The following EXOC6B variants were observed in gnomAD, a reference collection of about 807,000 sequenced individuals.
The protein encoded by EXOC6B is exocyst complex component 6B.
A neutral mutation model predicts 113.5 loss-of-function variants in EXOC6B; 54 were observed. The observed-to-expected ratio is 0.48, with a 90% CI of 0.38 to 0.60. EXOC6B has a LOEUF of 0.60. EXOC6B is among the 20% of genes least tolerant of loss of function. The probability of loss-of-function intolerance (pLI) is 0.00; values close to 1 mark genes in which losing one functional copy is unlikely to be tolerated. For missense variants in EXOC6B, 797 were observed against 977.5 expected, an observed-to-expected ratio of 0.82 and a Z score of 2.46; for synonymous variants, 357 against 339.0, an observed-to-expected ratio of 1.05 and a Z score of -0.58.
chr2:72,401,474 C>T (rs544018997), intron 18 of EXOC6B, among the ~76,000 whole-genome samples: 146 of 119,142 alleles, frequency 1.2e-3, no homozygotes, highest in African/African-American at 4.1e-3. Flanking sequence ...AAAAAAAAAA[C>T]ACAGAAAATA....
intron 20 of EXOC6B, among the ~76,000 whole-genome samples, chr2:72,223,127 T>A (rs956900337): frequency 1.3e-5 from 2 of 152,288 alleles, no homozygotes; most frequent in Admixed American, 6.5e-5. Flanking sequence ...CTGCTCTAAT[T>A]CGTTGAAAAT....
intron 1 of EXOC6B, among the ~76,000 whole-genome samples, chr2:72,815,634 C>T (rs898351031): frequency 2.1e-4 from 32 of 152,096 alleles, no homozygotes; most frequent in Admixed American, 3.3e-4. Context: ...TACACTGAAA[C>T]ACTACTTATC....
chr2:72,398,727 T>TAC (rs60055732), intron 18 of EXOC6B, among the ~76,000 whole-genome samples: 5,137 of 138,920 alleles, frequency 0.037, 92 homozygotes, highest in Admixed American at 0.069. Flanking sequence ...TCTCTCTGTC[T>TAC]ACACACACAC....
chr2:72,510,331 A>C (rs1700828487), intron 11 of EXOC6B, among the ~76,000 whole-genome samples: 1 of 152,080 alleles, frequency 6.6e-6, no homozygotes, highest in East Asian at 1.9e-4. Context: ...AACCTAAGAA[A>C]TGTCCAAATA....
chr2:72,686,707 T>C (rs1036495522), intron 6 of EXOC6B, among the ~76,000 whole-genome samples: 1 of 152,200 alleles, frequency 6.6e-6, no homozygotes, highest in South Asian at 2.1e-4. Context: ...ATAAGTATTA[T>C]TGGTATGAGT....
intron 6 of EXOC6B, among the ~76,000 whole-genome samples, chr2:72,682,543 G>T (rs370674221): frequency 2.0e-5 from 3 of 151,864 alleles, no homozygotes; most frequent in Non-Finnish European, 2.9e-5. Flanking sequence ...AATGAATTTC[G>T]AATGGAGCAA....
At chr2:72,663,054 C>T (rs773840349) in intron 6 of EXOC6B, among the ~76,000 whole-genome samples, 1 of 152,112 alleles carries the variant, frequency 6.6e-6, no homozygotes, top group Non-Finnish European at 1.5e-5. Context: ...TGCACCTACC[C>T]TAAGACCCAG....
intron 21 of EXOC6B, among the ~76,000 whole-genome samples, chr2:72,183,446 G>T (rs1678217820): frequency 6.6e-6 from 1 of 152,270 alleles, no homozygotes; most frequent in Admixed American, 6.5e-5. Context: ...TTCAGTGGTA[G>T]CACCTCTGCT....
At chr2:72,198,031 C>T (rs966911248) in intron 20 of EXOC6B, among the ~76,000 whole-genome samples, 7 of 152,192 alleles carry the variant, frequency 4.6e-5, no homozygotes, top group African/African-American at 1.7e-4. Flanking sequence ...ATGCCTCTCA[C>T]ATTCCCAGAG....
chr2:72,258,970 A>T (rs566720367), intron 20 of EXOC6B, among the ~76,000 whole-genome samples: 39 of 152,290 alleles, frequency 2.6e-4, no homozygotes, highest in Admixed American at 2.3e-3. Flanking sequence ...CTATTCTTTG[A>T]CACATTTTGA....
At chr2:72,446,473 G>A (rs1003284615) in intron 18 of EXOC6B, among the ~76,000 whole-genome samples, 1 of 152,060 alleles carries the variant, frequency 6.6e-6, no homozygotes, top group Non-Finnish European at 1.5e-5. Flanking sequence ...TCTTTTATGG[G>A]AACATGGATG....
At chr2:72,492,855 A>G (rs1409797843) in intron 15 of EXOC6B, among the ~76,000 whole-genome samples, 2 of 151,860 alleles carry the variant, frequency 1.3e-5, no homozygotes, top group African/African-American at 4.8e-5. Context: ...GTCTTTAAAT[A>G]TTTTTGTTTG....
intron 18 of EXOC6B, chr2:72,462,359 G>C (rs1697740973): frequency 6.6e-6 from 1 of 152,020 alleles, no homozygotes; most frequent in African/African-American, 2.4e-5. Context: ...GTTCTATTTA[G>C]ATAATAATAA....
intron 18 of EXOC6B, among the ~76,000 whole-genome samples, chr2:72,382,665 C>A (rs534396200): frequency 6.6e-6 from 1 of 152,234 alleles, no homozygotes; most frequent in East Asian, 1.9e-4. Flanking sequence ...ATGAATATGG[C>A]ATGTTTTTCC....
chr2:72,438,943 A>G (rs76435397), intron 18 of EXOC6B, among the ~76,000 whole-genome samples: 162 of 152,320 alleles, frequency 1.1e-3, no homozygotes, highest in Non-Finnish European at 2.1e-3. Flanking sequence ...AAAAACAGCT[A>G]TTAATAAACT....
At chr2:72,398,651 C>T (rs988587892) in intron 18 of EXOC6B, among the ~76,000 whole-genome samples, 1 of 149,640 alleles carries the variant, frequency 6.7e-6, no homozygotes, top group East Asian at 2.0e-4. Context: ...GAGCCAAGAT[C>T]GCGACACTGC....
chr2:72,501,081 A>G (rs1700295993), intron 11 of EXOC6B, among the ~76,000 whole-genome samples: 1 of 152,086 alleles, frequency 6.6e-6, no homozygotes, highest in African/African-American at 2.4e-5. Context: ...CAATCTTTTC[A>G]GCTAATCTTA....
chr2:72,406,476 A>G (rs543822198), intron 18 of EXOC6B, among the ~76,000 whole-genome samples: 3 of 152,330 alleles, frequency 2.0e-5, no homozygotes, highest in South Asian at 4.1e-4. Context: ...CAGCAAATGT[A>G]ACACAACAGA....
intron 18 of EXOC6B, among the ~76,000 whole-genome samples, chr2:72,440,603 T>G (rs1160334467): frequency 6.6e-6 from 1 of 152,170 alleles, no homozygotes; most frequent in East Asian, 1.9e-4. Flanking sequence ...CCAGGTACAC[T>G]ATAAAGCAAC....
Sources: allele counts gnomAD v4.1 joint callset (sites outside exome capture counted in the v4.1 genomes callset), GRCh38; gene constraint gnomAD v4.1.1; transcripts MANE v1.5; gene names NCBI Gene and HGNC (gene_info 2026-07-23, HGNC 2026-07-21).